ITGA9: variants seen among roughly 807,000 people sequenced by gnomAD.
The protein encoded by ITGA9 is integrin alpha-9.
Under a neutral mutation model 127.8 loss-of-function variants are expected in ITGA9, and 56 were observed. That is an observed-to-expected ratio of 0.44 (90% CI 0.35 to 0.55). ITGA9 has a LOEUF of 0.55. Ranked by LOEUF, ITGA9 falls within the 20% of genes least tolerant of loss-of-function variation. ITGA9 has a pLI of 0.00. For synonymous variants in ITGA9, 508 were observed against 514.5 expected, an observed-to-expected ratio of 0.99 and a Z score of 0.17; for missense variants, 1,196 against 1,347.1, an observed-to-expected ratio of 0.89 and a Z score of 1.76.
chr3:37,473,187 T>TA (rs1159109919), intron 2 of ITGA9, among the ~76,000 whole-genome samples, 167 bp from the exon 3 acceptor site: 7 of 144,512 alleles, frequency 4.8e-5, no homozygotes, highest in Admixed American at 2.7e-4. Context: ...CCTTGCTATG[T>TA]AAAAAAACAG....
chr3:37,698,283 G>A (rs1438893746), intron 18 of ITGA9, among the ~76,000 whole-genome samples: 1 of 152,128 alleles, frequency 6.6e-6, no homozygotes, highest in Non-Finnish European at 1.5e-5. Flanking sequence ...CCATTTTGTA[G>A]GTTGCCTGTT....
At chr3:37,788,276 T>C (rs1034929013) in intron 26 of ITGA9, among the ~76,000 whole-genome samples, 1 of 152,150 alleles carries the variant, frequency 6.6e-6, no homozygotes, top group Non-Finnish European at 1.5e-5. Flanking sequence ...ACTTTTTTCC[T>C]TCTCTGAGGT....
intron 15 of ITGA9, among the ~76,000 whole-genome samples, chr3:37,557,588 G>A (rs1312761165): frequency 6.6e-6 from 1 of 152,080 alleles, no homozygotes; most frequent in East Asian, 1.9e-4. Flanking sequence ...TGTGAAGAGG[G>A]TGACAGAGAG....
intron 10 of ITGA9, among the ~76,000 whole-genome samples, chr3:37,518,918 G>A (rs1035881531): frequency 6.6e-6 from 1 of 151,336 alleles, no homozygotes; most frequent in Admixed American, 6.6e-5. Context: ...CAGAGTAGCT[G>A]GGACAACAGG....
intron 1 of ITGA9, among the ~76,000 whole-genome samples, chr3:37,460,959 G>C (rs913317125): frequency 3.9e-5 from 6 of 152,046 alleles, no homozygotes; most frequent in Non-Finnish European, 5.9e-5. Flanking sequence ...TGATCTGTTG[G>C]TGTGTTAAGG....
intron 20 of ITGA9, among the ~76,000 whole-genome samples, chr3:37,740,496 C>T (rs1403924339): frequency 6.6e-6 from 1 of 152,236 alleles, no homozygotes; most frequent in African/African-American, 2.4e-5. Flanking sequence ...TTTTGCTCCT[C>T]TTCCTTCTCG....
At chr3:37,710,828 G>C (rs1300535608) in intron 18 of ITGA9, among the ~76,000 whole-genome samples, 1 of 152,206 alleles carries the variant, frequency 6.6e-6, no homozygotes, top group Admixed American at 6.5e-5. Context: ...CTCTGGCCTC[G>C]CAGCCAGCTG....
chr3:37,665,668 G>T (rs773712388), intron 17 of ITGA9, among the ~76,000 whole-genome samples: 34 of 151,488 alleles, frequency 2.2e-4, no homozygotes, highest in Non-Finnish European at 4.7e-4. Flanking sequence ...TTGGCCAGGC[G>T]GGTCTCGAAA....
At chr3:37,804,058 G>A in intron 27 of ITGA9, 116 bp downstream of exon 27, 3 of 1,434,750 alleles carry the variant, frequency 2.1e-6, no homozygotes, top group Admixed American at 1.7e-5. Context: ...CACCGGTACA[G>A]TGAAGGACAG....
chr3:37,588,325 C>A (rs1228475381), intron 15 of ITGA9, among the ~76,000 whole-genome samples: 1 of 151,810 alleles, frequency 6.6e-6, no homozygotes, highest in South Asian at 2.1e-4. Context: ...CAGCCCACCC[C>A]CCCACTTCCC....
At chr3:37,617,256 C>A (rs535775611) in intron 15 of ITGA9, among the ~76,000 whole-genome samples, 25 of 150,386 alleles carry the variant, frequency 1.7e-4, no homozygotes, top group Admixed American at 8.0e-4. Context: ...TTCTGGGTTG[C>A]AAATTCTTTT....
rs749835429 is a variant in ITGA9 at position 37,597,593 on chromosome 3, G to A, written c.1690-31594G>A. On this transcript the variant is annotated intron_variant, in intron 15 of 27. Coordinates refer to ENST00000264741, the MANE Select transcript of ITGA9 (RefSeq NM_002207.3). The surrounding 1 kb of genome is among the most constrained non-coding windows in gnomAD (Gnocchi z 4.6). The stretch of plus-strand genomic sequence containing the variant: ...TACGACCTATGAGGTGCACCTGTCC[G>A]TAGTAAGTACTCAGTAAATGACTGG... Among the ~76,000 whole-genome samples, 3 of 152,172 alleles carry A rather than the reference G, an allele frequency of 2.0e-5. No individual in the cohort carries two copies. Among genetic ancestry groups the A allele is most frequent in the African/African-American group, 2.4e-5 (1 of 41,448 alleles).
intron 15 of ITGA9, among the ~76,000 whole-genome samples, chr3:37,608,080 A>C (rs1381560133): frequency 6.6e-6 from 1 of 152,328 alleles, no homozygotes; most frequent in East Asian, 1.9e-4. Context: ...CTTTGTGCGC[A>C]GCCTGGTTTG....
At chr3:37,693,763 T>C (rs748184397) in intron 18 of ITGA9, among the ~76,000 whole-genome samples, 1 of 152,170 alleles carries the variant, frequency 6.6e-6, no homozygotes, top group Non-Finnish European at 1.5e-5. Context: ...AGCAACAGAA[T>C]GGTTCTTAGG....
At chr3:37,491,652 C>T (rs1698675093) in intron 4 of ITGA9, among the ~76,000 whole-genome samples, 3 of 152,190 alleles carry the variant, frequency 2.0e-5, no homozygotes, top group Non-Finnish European at 4.4e-5. Context: ...TGGGGCAGCC[C>T]CTTGCCTCTC....
At position 37,753,271 on chromosome 3, in the gene ITGA9, AAGGAG is replaced by A. The variant is rs1696611599; in HGVS notation, c.2541+2707_2541+2711del. On this transcript the variant is annotated intron_variant, in intron 23 of 27. Transcript: ENST00000264741. ...AAGTACCTATTACGTGCCAGGCTCC[AAGGAG>A]AGGAATAAGTCCCACATCTGCCCCA... 6.6e-5 allele frequency among the ~76,000 whole-genome samples: 10 copies of A among 152,336 alleles called. No individual in the cohort carries two copies. The South Asian group carries it at 2.1e-3, about 32-fold the overall frequency.
intron 16 of ITGA9, among the ~76,000 whole-genome samples, chr3:37,632,305 A>G (rs1431812094): frequency 1.3e-5 from 2 of 152,200 alleles, no homozygotes; most frequent in Non-Finnish European, 2.9e-5. Context: ...TTTTAAAGGG[A>G]GGAATGAAAG....
chr3:37,692,801 G>T (rs963927774), intron 18 of ITGA9, among the ~76,000 whole-genome samples: 6 of 152,304 alleles, frequency 3.9e-5, no homozygotes, highest in South Asian at 2.1e-4. Context: ...ATGGCAGGGG[G>T]CTAGGTCCTG....
chr3:37,554,587 G>A (rs1016279869), intron 15 of ITGA9, among the ~76,000 whole-genome samples: 2 of 152,078 alleles, frequency 1.3e-5, no homozygotes. Flanking sequence ...CAGCAGGAAC[G>A]GGGTTAGGAG....
Sources: allele counts gnomAD v4.1 joint callset (sites outside exome capture counted in the v4.1 genomes callset), GRCh38; gene constraint gnomAD v4.1.1; non-coding constraint Gnocchi (gnomAD v3.1); transcripts MANE v1.5; gene names NCBI Gene and HGNC (gene_info 2026-07-23, HGNC 2026-07-21).